Variants in RYR2 observed in about 807,000 individuals in gnomAD.
The protein encoded by RYR2 is ryanodine receptor 2.
A neutral mutation model predicts 601.1 loss-of-function variants in RYR2; 227 were observed. The ratio of observed to expected loss-of-function variants is 0.38; its 90% CI spans 0.34 to 0.42. The LOEUF is 0.42. RYR2 is among the 10% of genes least tolerant of loss of function. RYR2 has a pLI of 1.00. For synonymous variants in RYR2, 2,223 were observed against 2,175.1 expected (o/e 1.02, Z -0.61); for missense variants, 4,646 against 6,156.5 (o/e 0.75, Z 8.21).
Position 237,580,690 on chromosome 1 carries a change from A to T in RYR2, c.3599-9103A>T, listed in dbSNP as rs150749134. ...CTGAGTTGCATAGCTCTAACCCTCAATGTGGCTGTATTTAGAGATGGGGCC... is the reference window on the plus strand; with the variant it reads ...CTGAGTTGCATAGCTCTAACCCTCATTGTGGCTGTATTTAGAGATGGGGCC... On this transcript the variant is annotated intron_variant, in intron 29 of 104. Transcript: ENST00000366574. Among the ~76,000 whole-genome samples, 191 of 152,284 alleles carry T rather than the reference A, an allele frequency of 1.3e-3. 1 individual carries two copies. The highest frequency in any genetic ancestry group is 4.5e-3 in the African/African-American group (188 of 41,552).
At chr1:237,148,563 C>CTATATATATATACACACAT (rs1674339778) in intron 1 of RYR2, among the ~76,000 whole-genome samples, 1 of 82,378 alleles carries the variant, frequency 1.2e-5, no homozygotes, top group Admixed American at 1.3e-4. Flanking sequence ...TACACACACA[C>CTATATATATATACACACAT]ATATATATAT....
At chr1:237,423,552 A>G (rs187921655) in intron 12 of RYR2, among the ~76,000 whole-genome samples, 4 of 152,354 alleles carry the variant, frequency 2.6e-5, no homozygotes, top group Non-Finnish European at 1.5e-5. Context: ...TCAAAAATAT[A>G]AAACATGAAA....
chr1:237,675,196 A>T (rs911773646), intron 60 of RYR2, among the ~76,000 whole-genome samples: 1 of 152,172 alleles, frequency 6.6e-6, no homozygotes, highest in African/African-American at 2.4e-5. Flanking sequence ...AAAACTTCCA[A>T]AACTATGGAT....
intron 3 of RYR2, among the ~76,000 whole-genome samples, chr1:237,354,930 T>A (rs1057132657): frequency 3.9e-5 from 6 of 152,148 alleles, no homozygotes; most frequent in African/African-American, 1.2e-4. Flanking sequence ...TCTGCCTGTT[T>A]ATTTAGGCTC....
chr1:237,674,617 A>G, intron 59 of RYR2, 114 bp from the exon 60 acceptor site: 1 of 502,226 alleles, frequency 2.0e-6, no homozygotes, highest in Non-Finnish European at 3.6e-6. Flanking sequence ...AAATTTATAT[A>G]TATAGATAAA....
In RYR2 at chr1:237,623,866, T is replaced by C. The variant is rs757380341; in HGVS notation, c.6018T>C (p.His2006=). 1.6e-5 allele frequency: 26 copies of C among 1,595,230 alleles called. No homozygotes were observed. In the South Asian group the frequency reaches 2.5e-4, roughly 16 times the overall value. The part of the protein sequence containing the change: ...LLDFHEDLMT[H]CGIELDEDGS... Reference sequence around the variant, plus strand: ...ATTTCCATGAAGATTTGATGACACATTGTGGTAAGGTCTTTTTGATTAAAA... The same window carrying C: ...ATTTCCATGAAGATTTGATGACACACTGTGGTAAGGTCTTTTTGATTAAAA... The change falls in exon 39 of 105, where the codon CAT becomes CAC. Residue 2006 remains histidine (H), a synonymous_variant. Transcript: ENST00000366574.
intron 60 of RYR2, among the ~76,000 whole-genome samples, chr1:237,677,317 T>C (rs1685487304): frequency 6.6e-6 from 1 of 152,182 alleles, no homozygotes; most frequent in Non-Finnish European, 1.5e-5. Flanking sequence ...CGTCTATTAA[T>C]ATATGCATGA....
chr1:237,135,903 G>A (rs563407314), intron 1 of RYR2, among the ~76,000 whole-genome samples: 1 of 152,342 alleles, frequency 6.6e-6, no homozygotes, highest in African/African-American at 2.4e-5. Context: ...AGGGGCATTA[G>A]TCTGTGGCTA....
chr1:237,538,908 T>C lies in RYR2; in HGVS notation c.2906+8398T>C, dbSNP rs1361323915. 1.3e-5 allele frequency among the ~76,000 whole-genome samples: 2 copies of C among 152,210 alleles called. 1 individual carries two copies. The highest frequency in any genetic ancestry group is 2.9e-5 in the Non-Finnish European group (2 of 68,042). On this transcript the variant is annotated intron_variant, in intron 25 of 104. Transcript: ENST00000366574. ...GGTGATTGAGAGCAAGGTTTCTTAT[T>C]TCCATCCTTGTCCTGGTGTCTTGAA... is the stretch of plus-strand genomic sequence containing the variant.
intron 10 of RYR2, among the ~76,000 whole-genome samples, chr1:237,389,339 A>G (rs529856422): frequency 7.9e-5 from 12 of 152,316 alleles, no homozygotes; most frequent in African/African-American, 2.9e-4. Context: ...TGGAAAGTAG[A>G]CAAGAGAAAG....
rs187994468 is a variant in RYR2, at chr1:237,693,832, G to T, written c.9068-5133G>T. Among the ~76,000 whole-genome samples, 324 of 152,240 alleles carry T rather than the reference G, an allele frequency of 2.1e-3. 2 individuals are homozygous for T. Among genetic ancestry groups the T allele is most frequent in the Non-Finnish European group, 2.7e-3 (183 of 68,024 alleles). Reference sequence around the variant, plus strand: ...TTATTTCTACCTAATCAATAAATTAGTGGATTAAGTTTATGTTGATACTTC... The same window carrying T: ...TTATTTCTACCTAATCAATAAATTATTGGATTAAGTTTATGTTGATACTTC... On this transcript the variant is annotated intron_variant, in intron 63 of 104. Coordinates refer to ENST00000366574, the MANE Select transcript of RYR2 (RefSeq NM_001035.3).
chr1:237,175,514 A>G (rs755952457), intron 1 of RYR2, among the ~76,000 whole-genome samples: 2 of 152,104 alleles, frequency 1.3e-5, no homozygotes, highest in Non-Finnish European at 2.9e-5. Flanking sequence ...ATATGCTCAT[A>G]CTTGAATGTG....
At chr1:237,740,779 A>G (rs1001255444) in intron 79 of RYR2, among the ~76,000 whole-genome samples, 6 of 152,146 alleles carry the variant, frequency 3.9e-5, no homozygotes, top group Non-Finnish European at 5.9e-5. Context: ...TTTTACTCCT[A>G]TTTACTAATG....
At position 237,700,444 on chromosome 1, in the gene RYR2, A is replaced by G. The variant is rs1309880123; in HGVS notation, c.9344A>G (p.His3115Arg). The G allele has an allele frequency of 1.9e-6, 3 of 1,591,772 alleles. No individual in the cohort carries two copies. Among genetic ancestry groups the G allele is most frequent in the Non-Finnish European group, 2.6e-6 (3 of 1,162,296 alleles). ...TCATTATTTGAACATATTGGCCAGCATCAGTTCGGAGAAGACCTAATATGT... is the reference window on the plus strand; with the variant it reads ...TCATTATTTGAACATATTGGCCAGCGTCAGTTCGGAGAAGACCTAATATGT... Reference protein sequence around the residue: ...LSSLFEHIGQHQFGEDLILED... With the variant: ...LSSLFEHIGQRQFGEDLILED... The change falls in exon 65 of 105, where the codon CAT (histidine) becomes CGT (arginine). Residue 3115 changes from histidine (H) to arginine (R), a missense_variant. Transcript: ENST00000366574.
At chr1:237,066,991 T>G (rs1022293407) in intron 1 of RYR2, among the ~76,000 whole-genome samples, 7 of 152,220 alleles carry the variant, frequency 4.6e-5, no homozygotes, top group African/African-American at 1.7e-4. Context: ...ATCTTCTAAA[T>G]GGACTTTATA....
intron 76 of RYR2, among the ~76,000 whole-genome samples, chr1:237,727,623 G>A (rs1690306551): frequency 1.3e-5 from 2 of 152,148 alleles, no homozygotes; most frequent in African/African-American, 2.4e-5. Flanking sequence ...GCCTTATAGA[G>A]TTGTTCAGAT....
intron 1 of RYR2, among the ~76,000 whole-genome samples, chr1:237,204,748 C>A (rs956166888): frequency 1.3e-5 from 2 of 152,116 alleles, no homozygotes; most frequent in Admixed American, 6.5e-5. Context: ...TCAGGAGGGG[C>A]AAATGACATG....
chr1:237,688,084 C>T (rs1447348040), intron 63 of RYR2, among the ~76,000 whole-genome samples: 1 of 152,108 alleles, frequency 6.6e-6, no homozygotes, highest in African/African-American at 2.4e-5. Flanking sequence ...AGTCCATGTT[C>T]CAGAGCACCT....
rs751326634 is a variant in RYR2, at chr1:237,830,495, G to A, written c.14656-35G>A. On this transcript the variant is annotated intron_variant, in intron 102 of 104. Transcript: ENST00000366574. ...GTGTTTTCCTTTTGTTTTGCTTTCTGAACTCTGACGTTAATATTTCCCTTT... is the reference window on the plus strand; with the variant it reads ...GTGTTTTCCTTTTGTTTTGCTTTCTAAACTCTGACGTTAATATTTCCCTTT... 103 of 1,311,128 alleles carry A rather than the reference G, an allele frequency of 7.9e-5. 1 individual carries two copies. In the Admixed American group the frequency reaches 1.7e-3, roughly 21 times the overall value. The allele number at this position is 1,311,128 out of a possible 1,614,324, so 81.2% of individuals were successfully genotyped here.
Sources: allele counts gnomAD v4.1 joint callset (sites outside exome capture counted in the v4.1 genomes callset), GRCh38; gene constraint gnomAD v4.1.1; transcripts MANE v1.5; gene names NCBI Gene and HGNC (gene_info 2026-07-23, HGNC 2026-07-21).